ARPIN: variants seen among roughly 807,000 people sequenced by gnomAD.
ARPIN encodes the protein UPF0552 protein C15orf38.
ARPIN carries 23 observed loss-of-function variants against 25.9 expected under a neutral mutation model. The observed-to-expected ratio is 0.89, with a 90% CI of 0.64 to 1.26. The LOEUF is 1.26. Ranked by LOEUF, ARPIN falls within the 50% of genes most tolerant of loss-of-function variation. ARPIN has a pLI of 0.00. For missense variants in ARPIN, 333 were observed against 312.2 expected, an observed-to-expected ratio of 1.07 and a Z score of -0.50; for synonymous variants, 126 against 131.4, an observed-to-expected ratio of 0.96 and a Z score of 0.28.
chr15:89,902,895 A>G, intron 5 of ARPIN: 1 of 1,270,910 alleles, frequency 7.9e-7, no homozygotes, highest in Non-Finnish European at 1.0e-6. Flanking sequence ...CAGCATGGTT[A>G]ATGTATTCAC....
chr15:89,904,062 G>A (rs1197167259), intron 3 of ARPIN, 79 bp from the exon 4 acceptor site: 1 of 1,487,720 alleles, frequency 6.7e-7, no homozygotes, highest in Non-Finnish European at 9.0e-7. Context: ...AGCCAGGTGA[G>A]GGCTGAGTGT....
Position 89,895,412 on chromosome 15 carries a change from A to G in ARPIN, c.*6383T>C, listed in dbSNP as rs763942141. On this transcript the variant is annotated 3_prime_UTR_variant, in exon 6 of 6. Coordinates refer to ENST00000357484, the MANE Select transcript of ARPIN (RefSeq NM_182616.4). ...CAGAGTCAGGGTGTTTGATCTGTAC[A>G]GGACCCTGGAACCACACTGCCCTGA... 1.3e-5 allele frequency: 2 copies of G among 152,250 alleles called. No individual in the cohort carries two copies. Among genetic ancestry groups the G allele is most frequent in the Non-Finnish European group, 2.9e-5 (2 of 68,062 alleles). The allele number at this position is 152,250 out of a possible 1,614,324, so 9.4% of individuals were successfully genotyped here. A position where few individuals can be genotyped will look rare whatever the true frequency, so the allele number is the denominator to read the frequency against.
intron 3 of ARPIN, among the ~76,000 whole-genome samples, chr15:89,908,056 G>A (rs1897154789): frequency 6.6e-6 from 1 of 152,180 alleles, no homozygotes; most frequent in Non-Finnish European, 1.5e-5. Context: ...GGCAGGAGGT[G>A]GGAAGGCCAG....
At chr15:89,903,435 G>C (rs1897059894) in intron 4 of ARPIN, 56 bp from the exon 5 acceptor site, 2 of 1,606,498 alleles carry the variant, frequency 1.2e-6, no homozygotes, top group Non-Finnish European at 1.7e-6. Flanking sequence ...AACATAGTGA[G>C]GGCTGGGCCC....
At position 89,900,479 on chromosome 15, in the gene ARPIN, C is replaced by T. The variant is rs1055464171; in HGVS notation, c.*1316G>A. On this transcript the variant is annotated 3_prime_UTR_variant, in exon 6 of 6. Coordinates refer to ENST00000357484, the MANE Select transcript of ARPIN (RefSeq NM_182616.4). ...ATTCCTCTTGCCACTGTATACTATC[C>T]TAGAGCTCTGAGCTTTAGTCTCATG... is the stretch of plus-strand genomic sequence containing the variant. The T allele has an allele frequency of 1.5e-4, 23 of 152,186 alleles. No individual in the cohort carries two copies. Among genetic ancestry groups the T allele is most frequent in the African/African-American group, 5.6e-4 (23 of 41,422 alleles). The allele number at this position is 152,186 out of a possible 1,614,324, so 9.4% of individuals were successfully genotyped here. A position where few individuals can be genotyped will look rare whatever the true frequency, so the allele number is the denominator to read the frequency against.
chr15:89,899,634 T>C lies in ARPIN; in HGVS notation c.*2161A>G, dbSNP rs1010426076. 3.3e-5 allele frequency: 5 copies of C among 151,650 alleles called. No individual in the cohort carries two copies. Among genetic ancestry groups the C allele is most frequent in the African/African-American group, 1.2e-4 (5 of 41,172 alleles). 9.4% of individuals were successfully genotyped at this position (151,650 alleles called of 1,614,324 possible). ...GAATGCCCCTCAAATCATTCTCTTCTTTCCATCTCCCCTGCCACTGCTATA... is the reference window on the plus strand; with the variant it reads ...GAATGCCCCTCAAATCATTCTCTTCCTTCCATCTCCCCTGCCACTGCTATA... On this transcript the variant is annotated 3_prime_UTR_variant, in exon 6 of 6. Transcript: ENST00000357484.
At chr15:89,909,504 G>C (rs1168627169) in intron 2 of ARPIN, among the ~76,000 whole-genome samples, 1 of 152,228 alleles carries the variant, frequency 6.6e-6, no homozygotes, top group African/African-American at 2.4e-5. Flanking sequence ...GGGAGCCCAG[G>C]CTGGGAAAGC....
chr15:89,911,013 C>A (rs1244370288), intron 1 of ARPIN, among the ~76,000 whole-genome samples, 194 bp from the exon 2 acceptor site: 1 of 152,172 alleles, frequency 6.6e-6, no homozygotes, highest in African/African-American at 2.4e-5. Flanking sequence ...CCTTGTCAGG[C>A]TGCCCTAAGA....
rs899371694 is a variant in ARPIN at position 89,898,874 on chromosome 15, G to A, written c.*2921C>T. 1 of 152,218 alleles carries A rather than the reference G, an allele frequency of 6.6e-6. No individual in the cohort carries two copies. Among genetic ancestry groups the A allele is most frequent in the African/African-American group, 2.4e-5 (1 of 41,456 alleles). The allele number at this position is 152,218 out of a possible 1,614,324, so 9.4% of individuals were successfully genotyped here. ...AACTCCCCACAGGTGTATCTAGGAA[G>A]GCTTCTGCCCTGGCTGGGCCTGCCC... is the stretch of plus-strand genomic sequence containing the variant. On this transcript the variant is annotated 3_prime_UTR_variant, in exon 6 of 6. Transcript: ENST00000357484.
At chr15:89,912,668 C>G (rs1192253887) in intron 1 of ARPIN, 76 bp downstream of exon 1, 11 of 625,016 alleles carry the variant, frequency 1.8e-5, no homozygotes, top group Non-Finnish European at 2.2e-5. Flanking sequence ...CCGCATCCCA[C>G]CCCCCCACCC....
Position 89,901,732 on chromosome 15 carries a change from C to T in ARPIN, c.*63G>A. On this transcript the variant is annotated 3_prime_UTR_variant, in exon 6 of 6. Coordinates refer to ENST00000357484, the MANE Select transcript of ARPIN (RefSeq NM_182616.4). ...TCTCTCCAGCTCCAGAGTAGAAGTT[C>T]ATGGAAGAAATGTTCCACAATGCTA... 1.3e-6 allele frequency: 2 copies of T among 1,585,236 alleles called. No homozygotes were observed. Among genetic ancestry groups the T allele is most frequent in the Non-Finnish European group, 1.7e-6 (2 of 1,154,394 alleles).
Position 89,899,273 on chromosome 15 carries a change from C to CG in ARPIN, c.*2521dup. 2 of 152,022 alleles carry CG rather than the reference C, an allele frequency of 1.3e-5. No homozygotes were observed. Among genetic ancestry groups the CG allele is most frequent in the Non-Finnish European group, 2.9e-5 (2 of 68,070 alleles). 9.4% of individuals were successfully genotyped at this position (152,022 alleles called of 1,614,324 possible). A position where few individuals can be genotyped will look rare whatever the true frequency, so the allele number is the denominator to read the frequency against. ...TAATTTTTGTATTTTTTGGTAGAGACGGGGTTTCACTGTGTTGATCAGGCT... is the reference window on the plus strand; with the variant it reads ...TAATTTTTGTATTTTTTGGTAGAGACGGGGGTTTCACTGTGTTGATCAGGCT... On this transcript the variant is annotated 3_prime_UTR_variant, in exon 6 of 6. Coordinates refer to ENST00000357484, the MANE Select transcript of ARPIN (RefSeq NM_182616.4).
intron 5 of ARPIN, 101 bp from the exon 6 acceptor site, chr15:89,901,904 G>T: frequency 7.0e-7 from 1 of 1,428,522 alleles, no homozygotes; most frequent in South Asian, 1.2e-5. Flanking sequence ...TGGTACCTGT[G>T]GGGCCCATGA....
intron 3 of ARPIN, among the ~76,000 whole-genome samples, chr15:89,907,497 T>C (rs1252905264): frequency 2.6e-5 from 4 of 152,044 alleles, no homozygotes; most frequent in South Asian, 2.1e-4. Flanking sequence ...ACAGAAGAGA[T>C]TGAAGAGAGA....
intron 5 of ARPIN, 141 bp downstream of exon 5, chr15:89,903,075 C>T: frequency 6.4e-7 from 1 of 1,563,102 alleles, no homozygotes; most frequent in South Asian, 1.2e-5. Context: ...GATGCTAACA[C>T]ATTCCCAGGT....
At chr15:89,908,181 C>T (rs1338356814) in intron 3 of ARPIN, 99 bp downstream of exon 3, 2 of 1,554,782 alleles carry the variant, frequency 1.3e-6, no homozygotes, top group Non-Finnish European at 8.7e-7. Flanking sequence ...ATCAAGAGGG[C>T]TGAAGAGACA....
rs1252317902 is a variant in ARPIN at position 89,896,872 on chromosome 15, C to T, written c.*4923G>A. ...AATCATTTTAAAAATGTTTTCATAC[C>T]CAATTCTCACAAGGGCAGCATAAAA... On this transcript the variant is annotated 3_prime_UTR_variant, in exon 6 of 6. Coordinates refer to ENST00000357484, the MANE Select transcript of ARPIN (RefSeq NM_182616.4). 1 of 151,982 alleles carries T rather than the reference C, an allele frequency of 6.6e-6. No individual in the cohort carries two copies. Among genetic ancestry groups the T allele is most frequent in the Non-Finnish European group, 1.5e-5 (1 of 68,014 alleles). 9.4% of individuals were successfully genotyped at this position (151,982 alleles called of 1,614,324 possible).
At position 89,900,989 on chromosome 15, in the gene ARPIN, AGCCAC is replaced by A. The variant is rs1897010590; in HGVS notation, c.*801_*805del. On this transcript the variant is annotated 3_prime_UTR_variant, in exon 6 of 6. Coordinates refer to ENST00000357484, the MANE Select transcript of ARPIN (RefSeq NM_182616.4). ...TGAGTCTGAGAGATGCGGACCAGCC[AGCCAC>A]GCCTGGGAACGCTGTTGGCCTCTCT... The A allele has an allele frequency of 6.6e-6, 1 of 152,252 alleles. No homozygotes were observed. Among genetic ancestry groups the A allele is most frequent in the South Asian group, 2.1e-4 (1 of 4,832 alleles). 9.4% of individuals were successfully genotyped at this position (152,252 alleles called of 1,614,324 possible).
chr15:89,901,992 C>T (rs963482554), intron 5 of ARPIN, among the ~76,000 whole-genome samples, 189 bp from the exon 6 acceptor site: 1 of 152,208 alleles, frequency 6.6e-6, no homozygotes, highest in Non-Finnish European at 1.5e-5. Context: ...CCAAGATTCG[C>T]TTTATGAAGA....
Sources: gnomAD v4.1 joint callset for allele counts (sites outside exome capture counted in the v4.1 genomes callset) on GRCh38, gnomAD v4.1.1 for gene constraint, MANE v1.5 for transcripts, NCBI Gene and HGNC (gene_info 2026-07-23, HGNC 2026-07-21) for gene names.